The following TMEM132B variants were observed in gnomAD, a reference collection of about 807,000 sequenced individuals.
The protein encoded by TMEM132B is transmembrane protein 132B.
TMEM132B carries 18 observed loss-of-function variants against 90.8 expected under a neutral mutation model. That is an observed-to-expected ratio of 0.20 (90% CI 0.14 to 0.29). The LOEUF (loss-of-function observed/expected upper bound fraction) is 0.29. Ranked by LOEUF, TMEM132B falls within the 10% of genes least tolerant of loss-of-function variation. The pLI, the probability that TMEM132B is intolerant of heterozygous loss-of-function variation, is 1.00. For missense variants in TMEM132B, 1,096 were observed against 1,326.8 expected (o/e 0.83, Z 2.70); for synonymous variants, 504 against 523.3 (o/e 0.96, Z 0.50).
chr12:125,240,221 G>A (rs372128204), intron 1 of TMEM132B, among the ~76,000 whole-genome samples: 1 of 152,166 alleles, frequency 6.6e-6, no homozygotes, highest in Non-Finnish European at 1.5e-5. Flanking sequence ...TGCCTAACAC[G>A]TTGAGTGTCT....
intron 4 of TMEM132B, among the ~76,000 whole-genome samples, chr12:125,555,359 C>T (rs1884347839): frequency 6.6e-6 from 1 of 150,832 alleles, no homozygotes; most frequent in Non-Finnish European, 1.5e-5. Context: ...TGGTTGAAGG[C>T]AGGAGGATGT....
chr12:125,342,575 A>G (rs960628326), intron 1 of TMEM132B, among the ~76,000 whole-genome samples: 5 of 152,146 alleles, frequency 3.3e-5, no homozygotes, highest in African/African-American at 1.2e-4. Flanking sequence ...TGGAGCTGGG[A>G]GCAGGAACTA....
intron 4 of TMEM132B, among the ~76,000 whole-genome samples, chr12:125,521,524 C>T (rs2136666124): frequency 6.6e-6 from 1 of 152,256 alleles, no homozygotes; most frequent in South Asian, 2.1e-4. Flanking sequence ...GACTTAAGTA[C>T]ACAGGGAATG....
At chr12:125,525,754 C>A (rs1210188867) in intron 4 of TMEM132B, among the ~76,000 whole-genome samples, 1 of 152,182 alleles carries the variant, frequency 6.6e-6, no homozygotes, top group East Asian at 1.9e-4. Context: ...TCCTTCCCAG[C>A]TTTCTTGCTA....
intron 1 of TMEM132B, among the ~76,000 whole-genome samples, chr12:125,347,606 G>A (rs922520372): frequency 3.3e-5 from 5 of 152,174 alleles, no homozygotes; most frequent in African/African-American, 1.2e-4. Context: ...GAATGGAGTG[G>A]GATTTCTCTG....
Position 125,407,328 on chromosome 12 carries a change from C to A in TMEM132B, c.960-8203C>A, listed in dbSNP as rs570950189. ...CTTTACTGCCCACCCACTATGTAGA[C>A]AACCAAACAAACCCAAAACCCTGTA... On this transcript the variant is annotated intron_variant, in intron 2 of 8. Transcript: ENST00000682704. The surrounding 1 kb of genome is among the most constrained non-coding windows in gnomAD (Gnocchi z 6.7). Among the ~76,000 whole-genome samples, 3 of 152,372 alleles carry A rather than the reference C, an allele frequency of 2.0e-5. No homozygotes were observed. The South Asian group carries it at 6.2e-4, about 32-fold the overall frequency.
intron 1 of TMEM132B, among the ~76,000 whole-genome samples, chr12:125,305,369 G>T (rs911150701): frequency 6.6e-6 from 1 of 151,492 alleles, no homozygotes; most frequent in African/African-American, 2.4e-5. Flanking sequence ...GTTCTGATGG[G>T]AAGTGGGAGT....
chr12:125,378,067 G>A (rs1291086351), intron 2 of TMEM132B, among the ~76,000 whole-genome samples: 3 of 152,166 alleles, frequency 2.0e-5, no homozygotes, highest in African/African-American at 7.2e-5. Context: ...ATGGGAATGG[G>A]AGGGGAGAAG....
intron 3 of TMEM132B, among the ~76,000 whole-genome samples, chr12:125,462,287 A>C (rs1881457396): frequency 6.6e-6 from 1 of 152,234 alleles, no homozygotes; most frequent in Non-Finnish European, 1.5e-5. Flanking sequence ...TTGATTCCTA[A>C]GTAGATATTA....
intron 1 of TMEM132B, among the ~76,000 whole-genome samples, chr12:125,303,700 C>T (rs1875888493): frequency 6.6e-6 from 1 of 152,120 alleles, no homozygotes; most frequent in Non-Finnish European, 1.5e-5. Context: ...AGTGGTATCT[C>T]ATTGTGGCTT....
Position 125,445,625 on chromosome 12 carries a change from A to AGCTGTGAACCCTGAGCGTGTGATCCCTT in TMEM132B, c.1106+29950_1106+29977dup. On this transcript the variant is annotated intron_variant, in intron 3 of 8. Coordinates refer to ENST00000682704, the MANE Select transcript of TMEM132B (RefSeq NM_001366854.1). This position sits in a 1 kb window ranked among gnomAD's most constrained non-coding sequence, Gnocchi z 4.3. ...CATCCAGTGTTAGTCACTCCACCCC[A>AGCTGTGAACCCTGAGCGTGTGATCCCTT]GCTGTGAACCCTGAGCGTGTGATCC... 6.6e-6 allele frequency among the ~76,000 whole-genome samples: 1 copy of AGCTGTGAACCCTGAGCGTGTGATCCCTT among 152,280 alleles called. No homozygotes were observed. Among genetic ancestry groups the AGCTGTGAACCCTGAGCGTGTGATCCCTT allele is most frequent in the East Asian group, 1.9e-4 (1 of 5,174 alleles).
intron 1 of TMEM132B, among the ~76,000 whole-genome samples, chr12:125,310,926 G>A (rs944793150): frequency 2.6e-5 from 4 of 152,324 alleles, no homozygotes; most frequent in Non-Finnish European, 2.9e-5. Context: ...ACATCAAGTG[G>A]CCCATCACTG....
At chr12:125,187,574 C>A (rs886184053) in intron 1 of TMEM132B, among the ~76,000 whole-genome samples, 8 of 152,238 alleles carry the variant, frequency 5.3e-5, no homozygotes, top group African/African-American at 1.9e-4. Context: ...GCGGTGCTGT[C>A]CAGAGCCATT....
intron 4 of TMEM132B, among the ~76,000 whole-genome samples, chr12:125,563,566 AAAACAAAC>A (rs55666916): frequency 6.0e-4 from 88 of 145,694 alleles, no homozygotes; most frequent in South Asian, 1.3e-3. Context: ...CTCTGTCTCA[AAAACAAAC>A]AAACAAACAA....
chr12:125,519,409 A>C, intron 3 of TMEM132B, 30 bp from the exon 4 acceptor site: 1 of 1,568,906 alleles, frequency 6.4e-7, no homozygotes, highest in Non-Finnish European at 8.6e-7. Context: ...GAGGTTTTAA[A>C]TGGAACCTTA....
intron 3 of TMEM132B, among the ~76,000 whole-genome samples, chr12:125,467,522 TGG>T (rs1187960533): frequency 1.1e-4 from 16 of 152,200 alleles, no homozygotes; most frequent in Non-Finnish European, 1.8e-4. Flanking sequence ...ATATGCTTAT[TGG>T]CTTAGATCCA....
chr12:125,492,164 C>T lies in TMEM132B; in HGVS notation c.1107-27275C>T, dbSNP rs913907774. ...AGAGTGCCCTGCTGCCCGCCCCCAC[C>T]GCTCCTCACCTTGCAGAAATGGGGT... On this transcript the variant is annotated intron_variant, in intron 3 of 8. Transcript: ENST00000682704. This position sits in a 1 kb window ranked among gnomAD's most constrained non-coding sequence, Gnocchi z 5.8. 3.3e-5 allele frequency among the ~76,000 whole-genome samples: 5 copies of T among 152,252 alleles called. No individual in the cohort carries two copies. Among genetic ancestry groups the T allele is most frequent in the Middle Eastern group, 3.4e-3 (1 of 294 alleles).
intron 2 of TMEM132B, among the ~76,000 whole-genome samples, chr12:125,377,630 T>C (rs1878535704): frequency 6.6e-6 from 1 of 152,176 alleles, no homozygotes; most frequent in Non-Finnish European, 1.5e-5. Context: ...CTAATTATTA[T>C]TATTTTCCAT....
chr12:125,582,849 C>T (rs1350725395), intron 4 of TMEM132B, among the ~76,000 whole-genome samples: 3 of 107,212 alleles, frequency 2.8e-5, no homozygotes, highest in Non-Finnish European at 6.2e-5. Flanking sequence ...AACCCAGGTA[C>T]AGGGGAAGTA....
Sources: allele counts gnomAD v4.1 joint callset (sites outside exome capture counted in the v4.1 genomes callset), GRCh38; gene constraint gnomAD v4.1.1; non-coding constraint Gnocchi (gnomAD v3.1); transcripts MANE v1.5; gene names NCBI Gene and HGNC (gene_info 2026-07-23, HGNC 2026-07-21).